TNS1: variants seen among roughly 807,000 people sequenced by gnomAD.
TNS1 encodes the protein tensin-1.
In TNS1, 62 loss-of-function variants were observed where a neutral mutation model predicts 168.6. The ratio of observed to expected loss-of-function variants is 0.37; its 90% CI spans 0.30 to 0.45. The LOEUF is 0.45. Ranked by LOEUF, TNS1 falls within the 20% of genes least tolerant of loss-of-function variation. The probability of loss-of-function intolerance (pLI) is 1.00; values close to 1 mark genes in which losing one functional copy is unlikely to be tolerated. For missense variants in TNS1, 2,240 were observed against 2,339.4 expected, an observed-to-expected ratio of 0.96 and a Z score of 0.88; for synonymous variants, 934 against 933.2, an observed-to-expected ratio of 1.00 and a Z score of -0.02.
At chr2:217,997,682 T>C (rs1053045414) in intron 1 of TNS1, among the ~76,000 whole-genome samples, 12 of 152,228 alleles carry the variant, frequency 7.9e-5, no homozygotes, top group African/African-American at 2.9e-4. Flanking sequence ...TTGCTCTGCC[T>C]CACTCTACTA....
At chr2:217,940,561 T>G (rs1956861267) in intron 3 of TNS1, among the ~76,000 whole-genome samples, 1 of 151,816 alleles carries the variant, frequency 6.6e-6, no homozygotes, top group Non-Finnish European at 1.5e-5. Flanking sequence ...AGTGTCGTCA[T>G]TTAGCAACTT....
At chr2:218,031,201 T>C (rs1559415581) in intron 1 of TNS1, among the ~76,000 whole-genome samples, 1 of 149,350 alleles carries the variant, frequency 6.7e-6, no homozygotes, top group Non-Finnish European at 1.5e-5. Flanking sequence ...TCTGTATGTG[T>C]GTGAGTGTGT....
At chr2:217,885,010 C>G (rs777359336) in intron 16 of TNS1, 25 bp downstream of exon 16, 2 of 1,613,650 alleles carry the variant, frequency 1.2e-6, no homozygotes, top group Non-Finnish European at 1.7e-6. Context: ...GGGTGCCCAC[C>G]CCCAGCTCCA....
intron 18 of TNS1, chr2:217,879,174 C>T (rs1950462709): frequency 3.6e-6 from 1 of 276,360 alleles, no homozygotes; most frequent in South Asian, 2.8e-5. Flanking sequence ...CCCACATCTC[C>T]TCCTCACCGT....
At chr2:217,987,053 C>T (rs113069949) in intron 2 of TNS1, 192 of 152,356 alleles carry the variant, frequency 1.3e-3, no homozygotes, top group Middle Eastern at 6.8e-3. Context: ...CCCTGTTAAT[C>T]ATAGATGAGG....
intron 3 of TNS1, among the ~76,000 whole-genome samples, chr2:217,960,653 T>C (rs971655712): frequency 6.6e-6 from 1 of 152,128 alleles, no homozygotes; most frequent in African/African-American, 2.4e-5. Context: ...GCGGGAAGGC[T>C]CAGCCTTTCC....
At chr2:218,029,563 G>A (rs1449528234) in intron 1 of TNS1, among the ~76,000 whole-genome samples, 1 of 152,360 alleles carries the variant, frequency 6.6e-6, no homozygotes, top group Admixed American at 6.5e-5. Flanking sequence ...ACAGTGGGAC[G>A]CTGTCCAGCA....
rs149519825 is a variant in TNS1 at position 218,027,842 on chromosome 2, C to G, written c.156+5978G>C. Among the ~76,000 whole-genome samples, 4 of 152,286 alleles carry G rather than the reference C, an allele frequency of 2.6e-5. No individual in the cohort carries two copies. The East Asian group carries it at 7.7e-4, about 29-fold the overall frequency. ...TTCAGAGGCTTCCCCAGTGCATAGC[C>G]AGCATCCACCCAGAGGCTCCAGGCC... is the stretch of plus-strand genomic sequence containing the variant. On this transcript the variant is annotated intron_variant, in intron 1 of 1. Transcript: ENST00000649572.
intron 8 of TNS1, among the ~76,000 whole-genome samples, chr2:217,896,046 C>T (rs541306453): frequency 2.3e-4 from 35 of 152,366 alleles, no homozygotes; most frequent in Middle Eastern, 6.8e-3. Context: ...GTCAGCCTGT[C>T]TTAAGGACTT....
At chr2:217,867,573 T>G (rs1432206994) in intron 18 of TNS1, among the ~76,000 whole-genome samples, 1 of 152,232 alleles carries the variant, frequency 6.6e-6, no homozygotes, top group Admixed American at 6.5e-5. Flanking sequence ...AATGTATCAT[T>G]CTATAAAGAG....
intron 31 of TNS1, 82 bp downstream of exon 31, chr2:217,808,521 A>G (rs1045543996): frequency 2.7e-5 from 35 of 1,309,282 alleles, no homozygotes; most frequent in Non-Finnish European, 3.7e-5. Flanking sequence ...ACACACACAC[A>G]CACACATGCA....
chr2:217,932,699 GA>G (rs761996280), intron 3 of TNS1, among the ~76,000 whole-genome samples: 2 of 152,166 alleles, frequency 1.3e-5, no homozygotes, highest in Non-Finnish European at 2.9e-5. Flanking sequence ...TGATTTTTAA[GA>G]TCCCATCTAT....
intron 29 of TNS1, 123 bp from the exon 30 acceptor site, chr2:217,810,114 T>C: frequency 2.8e-6 from 4 of 1,433,274 alleles, no homozygotes; most frequent in Non-Finnish European, 3.9e-6. Context: ...CCAAGGCATC[T>C]GCACATAGAA....
intron 18 of TNS1, chr2:217,859,784 G>A (rs981314422): frequency 4.2e-5 from 48 of 1,135,878 alleles, no homozygotes; most frequent in South Asian, 1.4e-4. Context: ...AGATCCGAGA[G>A]CCATGCAGCT....
intron 4 of TNS1, among the ~76,000 whole-genome samples, chr2:217,918,664 A>C (rs1955384477): frequency 6.6e-6 from 1 of 152,158 alleles, no homozygotes; most frequent in Non-Finnish European, 1.5e-5. Context: ...CTGAACCCCC[A>C]GCCTCATAAA....
chr2:217,960,573 C>T (rs1957471795), intron 3 of TNS1, among the ~76,000 whole-genome samples: 1 of 152,136 alleles, frequency 6.6e-6, no homozygotes, highest in African/African-American at 2.4e-5. Flanking sequence ...GGCTGGGACT[C>T]TAGCACTCGG....
intron 2 of TNS1, among the ~76,000 whole-genome samples, chr2:217,982,290 C>T (rs1004757343): frequency 6.6e-6 from 1 of 152,260 alleles, no homozygotes; most frequent in Middle Eastern, 3.4e-3. Context: ...CTTCACTGCA[C>T]CTTTATAAGA....
At position 217,847,694 on chromosome 2, in the gene TNS1, A is replaced by G. The variant is rs185299394; in HGVS notation, c.2823T>C (p.Ser941=). The change falls in exon 19 of 33, where the codon TCT becomes TCC. Residue 941 remains serine (S), a synonymous_variant. Coordinates refer to ENST00000682258, the MANE Select transcript of TNS1 (RefSeq NM_001387777.1). ...NQDFHSKSPA[S]SSLPAFLPTT... ...TCGGAAGGAAGGCAGGCAAGGAGGA[A>G]GAGGCTGGGCTCTTTGAATGGAAAT... 12 of 1,601,946 alleles carry G rather than the reference A, an allele frequency of 7.5e-6. No individual in the cohort carries two copies. The highest frequency in any genetic ancestry group is 3.3e-4 in the Middle Eastern group (2 of 6,026).
In TNS1 at chr2:217,848,028, A is replaced by G. The variant is rs1183959797; in HGVS notation, c.2489T>C (p.Ile830Thr). Residue 830 changes from isoleucine to threonine, a missense_variant, in exon 19 of 33, where the codon ATT (isoleucine) becomes ACT (threonine). By Grantham distance (89) the Ile-to-Thr change is moderately conservative. Transcript: ENST00000682258. ...ATTGAGTGTTTCGATGGACTGTTCAATCTCCTGCTGGGAGGCTGCTCGCGG... is the reference window on the plus strand; with the variant it reads ...ATTGAGTGTTTCGATGGACTGTTCAGTCTCCTGCTGGGAGGCTGCTCGCGG... ...EFPRAASQQE[I>T]EQSIETLNML... 4.6e-6 allele frequency: 7 copies of G among 1,524,294 alleles called. No homozygotes were observed. The highest frequency in any genetic ancestry group is 2.8e-5 in the African/African-American group (2 of 72,134). 94.4% of individuals were successfully genotyped at this position (1,524,294 alleles called of 1,614,324 possible). A position where few individuals can be genotyped will look rare whatever the true frequency, so the allele number is the denominator to read the frequency against.
Sources: allele counts gnomAD v4.1 joint callset (sites outside exome capture counted in the v4.1 genomes callset), GRCh38; gene constraint gnomAD v4.1.1; transcripts MANE v1.5; gene names NCBI Gene and HGNC (gene_info 2026-07-23, HGNC 2026-07-21).